Variants in SGCD observed in about 807,000 individuals in gnomAD.
The protein encoded by SGCD is delta-sarcoglycan.
A neutral mutation model predicts 36.6 loss-of-function variants in SGCD; 18 were observed. The observed-to-expected ratio is 0.49, with a 90% confidence interval of 0.34 to 0.73. The LOEUF (loss-of-function observed/expected upper bound fraction) is 0.73, where lower values mean the gene tolerates loss of function less well. Ranked by LOEUF, SGCD falls within the 30% of genes least tolerant of loss-of-function variation. The pLI, the probability that SGCD is intolerant of heterozygous loss-of-function variation, is 0.01. For missense variants in SGCD, 387 were observed against 346.7 expected (o/e 1.12, Z -0.92); for synonymous variants, 133 against 130.6 (o/e 1.02, Z -0.12).
At chr5:155,772,368 A>C in the SGCD span, among the ~76,000 whole-genome samples, 1 of 152,188 alleles carries the variant, frequency 6.6e-6, no homozygotes, top group Non-Finnish European at 1.5e-5. Flanking sequence ...TCTTCACAAA[A>C]ATCTTCTGGG....
the SGCD span, among the ~76,000 whole-genome samples, chr5:155,763,716 C>T: frequency 2.0e-5 from 3 of 152,156 alleles, no homozygotes; most frequent in South Asian, 6.2e-4. Context: ...TGGAATTTCT[C>T]CAATATACAT....
intron 3 of SGCD, among the ~76,000 whole-genome samples, chr5:156,187,201 A>G (rs1439229946): frequency 1.3e-5 from 2 of 152,168 alleles, no homozygotes; most frequent in Non-Finnish European, 2.9e-5. Context: ...GAGAGGAAAA[A>G]GATCCTTCAT....
intron 3 of SGCD, among the ~76,000 whole-genome samples, chr5:156,178,339 T>C (rs1157095028): frequency 2.0e-5 from 3 of 152,182 alleles, no homozygotes; most frequent in Admixed American, 6.5e-5. Context: ...GAGAGAGATT[T>C]CTAAGAAAAC....
intron 6 of SGCD, among the ~76,000 whole-genome samples, chr5:156,615,312 T>C (rs1350146256): frequency 6.6e-6 from 1 of 152,262 alleles, no homozygotes; most frequent in East Asian, 1.9e-4. Flanking sequence ...TAATTGTTAA[T>C]TAGTTGTATT....
upstream of SGCD, among the ~76,000 whole-genome samples, chr5:155,868,290 G>A (rs1182635158): frequency 6.6e-6 from 1 of 150,744 alleles, no homozygotes; most frequent in Non-Finnish European, 1.5e-5. Flanking sequence ...GGCCTCAAGT[G>A]ATCCACCCAC....
At chr5:155,988,923 A>G (rs1455487838) in intron 1 of SGCD, among the ~76,000 whole-genome samples, 2 of 152,188 alleles carry the variant, frequency 1.3e-5, no homozygotes, top group Non-Finnish European at 2.9e-5. Context: ...TTTCTTTCCA[A>G]TGGACAGTGG....
intron 7 of SGCD, among the ~76,000 whole-genome samples, chr5:156,652,182 A>G (rs927587902): frequency 2.0e-5 from 3 of 152,048 alleles, no homozygotes; most frequent in African/African-American, 4.8e-5. Context: ...TTTTCTAGCT[A>G]TAGAATCATA....
At chr5:155,973,011 A>G (rs1415349901) in intron 1 of SGCD, among the ~76,000 whole-genome samples, 1 of 152,062 alleles carries the variant, frequency 6.6e-6, no homozygotes, top group Non-Finnish European at 1.5e-5. Flanking sequence ...CATTTTTATG[A>G]TATCTTGTGC....
At chr5:155,907,392 G>A (rs914496837) in intron 1 of SGCD, among the ~76,000 whole-genome samples, 5 of 152,170 alleles carry the variant, frequency 3.3e-5, no homozygotes, top group East Asian at 1.9e-4. Context: ...TATTATTTAG[G>A]AAAACATTTC....
At chr5:155,911,705 A>C (rs557115149) in intron 1 of SGCD, among the ~76,000 whole-genome samples, 1 of 152,172 alleles carries the variant, frequency 6.6e-6, no homozygotes, top group Admixed American at 6.6e-5. Flanking sequence ...CACCAAGAGA[A>C]CACCAAATGC....
intron 1 of SGCD, among the ~76,000 whole-genome samples, chr5:155,943,735 A>G (rs971457549): frequency 7.2e-5 from 11 of 152,176 alleles, no homozygotes; most frequent in African/African-American, 2.7e-4. Context: ...GAAGCAAATT[A>G]TAGAGCCACT....
intron 1 of SGCD, among the ~76,000 whole-genome samples, chr5:155,929,961 T>C (rs928020472): frequency 2.0e-5 from 3 of 152,162 alleles, no homozygotes; most frequent in Non-Finnish European, 4.4e-5. Context: ...CCTTTAAAGC[T>C]CAAATGTCTC....
At chr5:156,471,300 A>G (rs941345981) in intron 3 of SGCD, among the ~76,000 whole-genome samples, 1 of 152,168 alleles carries the variant, frequency 6.6e-6, no homozygotes, top group Non-Finnish European at 1.5e-5. Context: ...ATGACACACT[A>G]TTTCTGAAAT....
chr5:156,565,605 G>T (rs1255207240), intron 4 of SGCD, among the ~76,000 whole-genome samples: 2 of 152,042 alleles, frequency 1.3e-5, no homozygotes, highest in African/African-American at 4.8e-5. Flanking sequence ...GTGCAGGTTT[G>T]TTACAAAGGT....
chr5:156,421,418 G>T (rs1773302911), intron 3 of SGCD, among the ~76,000 whole-genome samples: 2 of 151,980 alleles, frequency 1.3e-5, no homozygotes, highest in Non-Finnish European at 2.9e-5. Context: ...TATTAGTATT[G>T]GTTTCTTCGA....
At chr5:156,007,194 A>G (rs1334978204) in intron 1 of SGCD, among the ~76,000 whole-genome samples, 2 of 152,162 alleles carry the variant, frequency 1.3e-5, no homozygotes, top group African/African-American at 4.8e-5. Flanking sequence ...CACTTGCTTC[A>G]GTTCTGCAGC....
At chr5:155,929,245 T>C (rs921310971) in intron 1 of SGCD, among the ~76,000 whole-genome samples, 1 of 152,196 alleles carries the variant, frequency 6.6e-6, no homozygotes, top group Non-Finnish European at 1.5e-5. Flanking sequence ...GTCTGATTTT[T>C]CTCTTCATTG....
At chr5:156,328,312 A>G (rs557927897) in intron 1 of SGCD, among the ~76,000 whole-genome samples, 2 of 152,384 alleles carry the variant, frequency 1.3e-5, no homozygotes, top group African/African-American at 2.4e-5. Context: ...TACAATTACT[A>G]GCACAGCAAT....
At chr5:156,700,167 A>G (rs367743325) in intron 7 of SGCD, among the ~76,000 whole-genome samples, 1 of 152,102 alleles carries the variant, frequency 6.6e-6, no homozygotes, top group African/African-American at 2.4e-5. Flanking sequence ...AAAGAACAAC[A>G]TACACTCATA....
Sources: allele counts gnomAD v4.1 joint callset (sites outside exome capture counted in the v4.1 genomes callset), GRCh38; gene constraint gnomAD v4.1.1; transcripts MANE v1.5; gene names NCBI Gene and HGNC (gene_info 2026-07-23, HGNC 2026-07-21).